The following CTDSP2 variants were observed in gnomAD, a reference collection of about 807,000 sequenced individuals.
CTDSP2 encodes the protein CTD small phosphatase 2.
CTDSP2 carries 9 observed loss-of-function variants against 31.6 expected under a neutral mutation model. The ratio of observed to expected loss-of-function variants is 0.28; its 90% CI spans 0.17 to 0.50. CTDSP2 has a LOEUF of 0.50. Among genes scored for constraint, CTDSP2 ranks in the 20% least tolerant of loss-of-function variants. The pLI is 0.98. For missense variants in CTDSP2, 267 were observed against 348.5 expected (o/e 0.77, Z 1.86); for synonymous variants, 134 against 134.5 (o/e 1.00, Z 0.03).
At chr12:57,831,291 A>G (rs1014561095) in intron 1 of CTDSP2, among the ~76,000 whole-genome samples, 3 of 151,740 alleles carry the variant, frequency 2.0e-5, no homozygotes, top group African/African-American at 7.3e-5. Context: ...CCCTGTCTCT[A>G]CTAAAAATAC....
At chr12:57,839,523 C>T (rs934257379) in intron 1 of CTDSP2, among the ~76,000 whole-genome samples, 9 of 152,112 alleles carry the variant, frequency 5.9e-5, no homozygotes, top group East Asian at 1.9e-4. Flanking sequence ...TCAAGACCAT[C>T]CTGGCTAACA....
At chr12:57,832,083 G>A (rs1956218946) in intron 1 of CTDSP2, among the ~76,000 whole-genome samples, 1 of 152,218 alleles carries the variant, frequency 6.6e-6, no homozygotes, top group African/African-American at 2.4e-5. Flanking sequence ...AAAGGCAGAG[G>A]ACTTCCTGCA....
chr12:57,833,245 G>A (rs557325203), intron 1 of CTDSP2, among the ~76,000 whole-genome samples: 1 of 152,332 alleles, frequency 6.6e-6, no homozygotes, highest in African/African-American at 2.4e-5. Context: ...GCTGCAGGGA[G>A]CCCAACAGGC....
At chr12:57,834,737 T>C (rs1956236262) in intron 1 of CTDSP2, among the ~76,000 whole-genome samples, 1 of 152,122 alleles carries the variant, frequency 6.6e-6, no homozygotes, top group South Asian at 2.1e-4. Context: ...CTGTGTGTGA[T>C]GGGGAGGGGC....
At chr12:57,846,180 C>T (rs977964210) in intron 1 of CTDSP2, among the ~76,000 whole-genome samples, 192 bp downstream of exon 1, 6 of 152,176 alleles carry the variant, frequency 3.9e-5, no homozygotes, top group African/African-American at 1.4e-4. Context: ...GCTCGGGCGC[C>T]GGGATCCCCG....
intron 1 of CTDSP2, among the ~76,000 whole-genome samples, chr12:57,831,440 A>C (rs1956215255): frequency 2.6e-5 from 4 of 152,150 alleles, no homozygotes. Context: ...CCGACACAGC[A>C]AGACTCGTCT....
chr12:57,837,880 C>T (rs1430546818), intron 1 of CTDSP2, among the ~76,000 whole-genome samples: 1 of 152,076 alleles, frequency 6.6e-6, no homozygotes, highest in African/African-American at 2.4e-5. Flanking sequence ...GCTGTCTCTT[C>T]TTTCAGACCT....
intron 2 of CTDSP2, 87 bp downstream of exon 2, chr12:57,829,361 G>C: frequency 6.7e-7 from 1 of 1,493,444 alleles, no homozygotes. Flanking sequence ...TTCAGGCAAA[G>C]CTTCCTTGTC....
At chr12:57,830,112 G>A (rs1437002875) in intron 1 of CTDSP2, among the ~76,000 whole-genome samples, 1 of 152,196 alleles carries the variant, frequency 6.6e-6, no homozygotes, top group Admixed American at 6.5e-5. Context: ...GAGGCCAGGT[G>A]CAGTGGCTCA....
At position 57,837,584 on chromosome 12, in the gene CTDSP2, C is replaced by T. The variant is rs188865793; in HGVS notation, c.65-7988G>A. Among the ~76,000 whole-genome samples the T allele has an allele frequency of 7.4e-3, 1,131 of 151,970 alleles. 8 individuals carry two copies. The highest frequency in any genetic ancestry group is 0.024 in the Middle Eastern group (7 of 292). On this transcript the variant is annotated intron_variant, in intron 1 of 7. Transcript: ENST00000398073. ...TGAGCTCCTGTAATCCCAGCTACTC[C>T]GGAGGCTGAGGCACGAGAATCACTT...
chr12:57,823,545 A>G lies in CTDSP2; in HGVS notation c.*57T>C. Reference sequence around the variant, plus strand: ...TTCTACTCTGTCACGCTGATCGTAAAGGCACAGTGTGGGAAAGTCCCCTAC... The same window carrying G: ...TTCTACTCTGTCACGCTGATCGTAAGGGCACAGTGTGGGAAAGTCCCCTAC... On this transcript the variant is annotated 3_prime_UTR_variant, in exon 8 of 8. Transcript: ENST00000398073. 1 of 1,598,644 alleles carries G rather than the reference A, an allele frequency of 6.3e-7. No homozygotes were observed. The highest frequency in any genetic ancestry group is 8.5e-7 in the Non-Finnish European group (1 of 1,172,782).
chr12:57,842,119 C>G (rs1228455726), intron 1 of CTDSP2: 1 of 151,790 alleles, frequency 6.6e-6, no homozygotes, highest in Non-Finnish European at 1.5e-5. Flanking sequence ...TACCCAAAAG[C>G]TAGCAGAAAA....
intron 3 of CTDSP2, 147 bp downstream of exon 3, chr12:57,827,405 C>A: frequency 1.2e-6 from 1 of 846,564 alleles, no homozygotes. Flanking sequence ...ATAGCAGGCC[C>A]TCAACAAGTA....
chr12:57,821,920 C>G lies in CTDSP2; in HGVS notation c.*1682G>C, dbSNP rs1467709117. ...CCGCTGAGAGCACGAAGCTGCTGCT[C>G]TACTACCTGCTTTTCTCAAAACTTG... On this transcript the variant is annotated 3_prime_UTR_variant, in exon 8 of 8. Coordinates refer to ENST00000398073, the MANE Select transcript of CTDSP2 (RefSeq NM_005730.4). The G allele has an allele frequency of 6.6e-6, 1 of 152,276 alleles. No homozygotes were observed. The highest frequency in any genetic ancestry group is 1.9e-4 in the East Asian group (1 of 5,196). The allele number at this position is 152,276 out of a possible 1,614,324, so 9.4% of individuals were successfully genotyped here.
chr12:57,832,199 T>C (rs1032076149), intron 1 of CTDSP2, among the ~76,000 whole-genome samples: 2 of 152,326 alleles, frequency 1.3e-5, no homozygotes, highest in Admixed American at 6.5e-5. Flanking sequence ...GGTATGGCCA[T>C]TGGAAACTTT....
chr12:57,826,402 G>C lies in CTDSP2; in HGVS notation c.355C>G (p.Pro119Ala). The change falls in exon 5 of 8, where the codon CCA (proline) becomes GCA (alanine). Residue 119 changes from proline (P) to alanine (A), a missense_variant and splice_region_variant. Transcript: ENST00000398073. ...ACTATGAAGTCAGCATTGTTGATTG[G>C]CTGGAAGGCAGAAAAGTTAATGCTG... ...DETLVHSSFK[P>A]INNADFIVPI... The C allele has an allele frequency of 1.2e-6, 2 of 1,614,066 alleles. No homozygotes were observed. Among genetic ancestry groups the C allele is most frequent in the Non-Finnish European group, 1.7e-6 (2 of 1,179,942 alleles).
Position 57,846,447 on chromosome 12 carries a change from G to C in CTDSP2, c.-12C>G. On this transcript the variant is annotated 5_prime_UTR_variant, in exon 1 of 8. Transcript: ENST00000398073. The stretch of plus-strand genomic sequence containing the variant: ...GAGCCGTGTTCCATCTAACAATCCC[G>C]CGGGCCCGGGCTGGCTGGGCGGGAG... 1 of 1,579,076 alleles carries C rather than the reference G, an allele frequency of 6.3e-7. No individual in the cohort carries two copies. The highest frequency in any genetic ancestry group is 8.6e-7 in the Non-Finnish European group (1 of 1,163,916).
intron 1 of CTDSP2, among the ~76,000 whole-genome samples, chr12:57,843,576 C>T (rs1956295511): frequency 6.6e-6 from 1 of 151,988 alleles, no homozygotes; most frequent in Non-Finnish European, 1.5e-5. Flanking sequence ...CACTAAATAG[C>T]CACCCAAGCT....
At position 57,844,769 on chromosome 12, in the gene CTDSP2, T is replaced by C. The variant is rs899831005; in HGVS notation, c.64+1603A>G. ...GATGCAGCCAGGAGAGCAGAAATCA[T>C]GGCAACACCGAGGTCAGGGAGGCCG... is the stretch of plus-strand genomic sequence containing the variant. On this transcript the variant is annotated intron_variant, in intron 1 of 7. Coordinates refer to ENST00000398073, the MANE Select transcript of CTDSP2 (RefSeq NM_005730.4). 6.0e-5 allele frequency among the ~76,000 whole-genome samples: 9 copies of C among 150,788 alleles called. No homozygotes were observed. In the Admixed American group the frequency reaches 6.0e-4, roughly 10 times the overall value.
Sources: gnomAD v4.1 joint callset for allele counts (sites outside exome capture counted in the v4.1 genomes callset) on GRCh38, gnomAD v4.1.1 for gene constraint, MANE v1.5 for transcripts, NCBI Gene and HGNC (gene_info 2026-07-23, HGNC 2026-07-21) for gene names.